MANBAL: variants seen among roughly 807,000 people sequenced by gnomAD.
MANBAL encodes mannosidase beta like.
Under a neutral mutation model 6.4 loss-of-function variants are expected in MANBAL, and 1 was observed. That is an observed-to-expected ratio of 0.16 (90% CI 0.06 to 0.74). The LOEUF (loss-of-function observed/expected upper bound fraction) is 0.74. Ranked by LOEUF, MANBAL falls within the 30% of genes least tolerant of loss-of-function variation. The pLI is 0.78. For missense variants in MANBAL, 100 were observed against 107.8 expected, an observed-to-expected ratio of 0.93 and a Z score of 0.32; for synonymous variants, 47 against 45.8, an observed-to-expected ratio of 1.03 and a Z score of -0.10.
intron 2 of MANBAL, among the ~76,000 whole-genome samples, chr20:37,310,689 G>A (rs980527924): frequency 2.6e-5 from 4 of 152,228 alleles, no homozygotes; most frequent in Non-Finnish European, 5.9e-5. Context: ...GGCCTGGTAA[G>A]CGCTGCAGAG....
intron 2 of MANBAL, 66 bp downstream of exon 2, chr20:37,301,479 G>A: frequency 3.3e-6 from 5 of 1,535,030 alleles, no homozygotes; most frequent in Non-Finnish European, 4.4e-6. Context: ...ACTAACAGTA[G>A]GTGCCACCAC....
rs573245481 is a variant in MANBAL at position 37,304,303 on chromosome 20, G to A, written c.150+2890G>A. On this transcript the variant is annotated intron_variant, in intron 2 of 2. Coordinates refer to ENST00000373606, the MANE Select transcript of MANBAL (RefSeq NM_001003897.2). ...TTTTAAAATTTTGATTTAATTTGTT[G>A]TTTTAATTATATAAAACATTTATAT... 1.1e-4 allele frequency among the ~76,000 whole-genome samples: 17 copies of A among 152,070 alleles called. No homozygotes were observed. In the East Asian group the frequency reaches 3.3e-3, roughly 29 times the overall value.
intron 1 of MANBAL, among the ~76,000 whole-genome samples, chr20:37,290,028 G>C (rs1285720024): frequency 6.6e-6 from 1 of 152,188 alleles, no homozygotes; most frequent in East Asian, 1.9e-4. Context: ...TCTGGCCAGG[G>C]TTCGAATCCG....
chr20:37,310,850 T>G (rs371263816), intron 2 of MANBAL, among the ~76,000 whole-genome samples: 1 of 152,152 alleles, frequency 6.6e-6, no homozygotes. Context: ...GCTCCCAGAT[T>G]TAAAGGCAGG....
At chr20:37,309,568 A>G (rs2069335069) in intron 2 of MANBAL, among the ~76,000 whole-genome samples, 1 of 152,164 alleles carries the variant, frequency 6.6e-6, no homozygotes, top group Non-Finnish European at 1.5e-5. Flanking sequence ...GGTGGCTTTC[A>G]ATATGATGCC....
intron 1 of MANBAL, among the ~76,000 whole-genome samples, chr20:37,299,111 C>G (rs1454262889): frequency 6.6e-6 from 1 of 151,952 alleles, no homozygotes; most frequent in Non-Finnish European, 1.5e-5. Context: ...GGCAGGGTCT[C>G]GCTCTGTCAC....
Position 37,317,027 on chromosome 20 carries a change from G to A in MANBAL, c.*612G>A, listed in dbSNP as rs2069537466. 1 of 150,944 alleles carries A rather than the reference G, an allele frequency of 6.6e-6. No homozygotes were observed. Among genetic ancestry groups the A allele is most frequent in the African/African-American group, 2.5e-5 (1 of 39,796 alleles). 9.4% of individuals were successfully genotyped at this position (150,944 alleles called of 1,614,324 possible). On this transcript the variant is annotated 3_prime_UTR_variant, in exon 3 of 3. Coordinates refer to ENST00000373606, the MANE Select transcript of MANBAL (RefSeq NM_001003897.2). ...AGTGCCTGCTTCTGCTCCATCAGGT[G>A]CAGGGGATTTGGCTGAAGGCGTGCA...
intron 2 of MANBAL, among the ~76,000 whole-genome samples, chr20:37,305,857 CTAGA>C (rs942320059): frequency 3.7e-4 from 57 of 152,128 alleles, no homozygotes; most frequent in African/African-American, 1.4e-3. Context: ...AAACTCCTAA[CTAGA>C]TAGAAAGGAA....
Position 37,316,428 on chromosome 20 carries a change from G to A in MANBAL, c.*13G>A. ...GAAGAAGCGGTAGAAGAGGAGGCCT[G>A]AGGAGCTGGGCGGGCAGGGAGAGGG... On this transcript the variant is annotated 3_prime_UTR_variant, in exon 3 of 3. Transcript: ENST00000373606. The A allele has an allele frequency of 6.2e-7, 1 of 1,609,364 alleles. No individual in the cohort carries two copies.
At chr20:37,294,902 C>T (rs781044101) in intron 1 of MANBAL, among the ~76,000 whole-genome samples, 1 of 152,204 alleles carries the variant, frequency 6.6e-6, no homozygotes, top group African/African-American at 2.4e-5. Flanking sequence ...TCACCAGTGT[C>T]TGGCATTCAG....
chr20:37,296,636 C>T (rs1037102518), intron 1 of MANBAL, among the ~76,000 whole-genome samples: 4 of 152,114 alleles, frequency 2.6e-5, no homozygotes, highest in African/African-American at 9.7e-5. Context: ...AATAGTGCTG[C>T]CATGAACTTT....
chr20:37,303,628 G>C (rs956926701), intron 2 of MANBAL, among the ~76,000 whole-genome samples: 5 of 152,216 alleles, frequency 3.3e-5, no homozygotes, highest in African/African-American at 1.2e-4. Flanking sequence ...AGCTGTGGCA[G>C]TGAAAGGATA....
chr20:37,309,840 C>G (rs1206480792), intron 2 of MANBAL, among the ~76,000 whole-genome samples: 1 of 152,140 alleles, frequency 6.6e-6, no homozygotes, highest in Admixed American at 6.5e-5. Flanking sequence ...CACCCATTCT[C>G]AACACCTCAG....
intron 1 of MANBAL, among the ~76,000 whole-genome samples, chr20:37,296,240 A>C (rs914494361): frequency 6.6e-6 from 1 of 152,212 alleles, no homozygotes; most frequent in African/African-American, 2.4e-5. Context: ...GCTTTATTGG[A>C]CAGTATGACA....
intron 2 of MANBAL, among the ~76,000 whole-genome samples, chr20:37,308,181 C>T (rs1324872410): frequency 6.6e-6 from 1 of 152,198 alleles, no homozygotes; most frequent in East Asian, 1.9e-4. Context: ...GCTGACCCAG[C>T]TTGGGACAGC....
chr20:37,301,330 C>T lies in MANBAL; in HGVS notation c.67C>T (p.Arg23Trp), dbSNP rs139446010. 6.6e-5 allele frequency: 107 copies of T among 1,613,344 alleles called. No individual in the cohort carries two copies. Among genetic ancestry groups the T allele is most frequent in the East Asian group, 4.9e-4 (22 of 44,868 alleles). Reference sequence around the variant, plus strand: ...GCCCACTTTCCTGGAGAACCTGCTACGGTACGGACTCTTCCTGGGAGCCAT... The same window carrying T: ...GCCCACTTTCCTGGAGAACCTGCTATGGTACGGACTCTTCCTGGGAGCCAT... ...PEPTFLENLLRYGLFLGAIFQ... is the reference protein window; with the variant it reads ...PEPTFLENLLWYGLFLGAIFQ... The change falls in exon 2 of 3, where the codon CGG (arginine) becomes TGG (tryptophan). Residue 23 changes from arginine to tryptophan, a missense_variant. Transcript: ENST00000373606.
At chr20:37,311,277 T>C (rs1037888896) in intron 2 of MANBAL, among the ~76,000 whole-genome samples, 1 of 152,184 alleles carries the variant, frequency 6.6e-6, no homozygotes, top group African/African-American at 2.4e-5. Context: ...TGGGAGACAC[T>C]GGCTGGCCAG....
intron 2 of MANBAL, among the ~76,000 whole-genome samples, chr20:37,305,343 T>TCACC (rs201418599): frequency 0.015 from 2,222 of 152,286 alleles, 25 homozygotes; most frequent in Middle Eastern, 0.048. Flanking sequence ...GGGAGGCTGC[T>TCACC]CACCTCCTGT....
At chr20:37,301,466 AGT>A (rs1278406374) in intron 2 of MANBAL, 53 bp downstream of exon 2, 1 of 1,584,842 alleles carries the variant, frequency 6.3e-7, no homozygotes, top group African/African-American at 1.4e-5. Context: ...CTGGGTTCTG[AGT>A]ACTAACAGTA....
Sources: gnomAD v4.1 joint callset for allele counts (sites outside exome capture counted in the v4.1 genomes callset) on GRCh38, gnomAD v4.1.1 for gene constraint, MANE v1.5 for transcripts, NCBI Gene and HGNC (gene_info 2026-07-23, HGNC 2026-07-21) for gene names.